The following TSGA10 variants were observed in gnomAD, a reference collection of about 807,000 sequenced individuals.
The protein encoded by TSGA10 is testis specific 10, also known as testis-specific gene 10 protein.
Under a neutral mutation model 96.6 loss-of-function variants are expected in TSGA10, and 43 were observed. The observed-to-expected ratio is 0.44, with a 90% CI of 0.35 to 0.57. The LOEUF (loss-of-function observed/expected upper bound fraction) is 0.57, where lower values mean the gene tolerates loss of function less well. Among genes scored for constraint, TSGA10 ranks in the 20% least tolerant of loss-of-function variants. The pLI, the probability that TSGA10 is intolerant of heterozygous loss-of-function variation, is 0.01. For missense variants in TSGA10, 703 were observed against 834.4 expected (o/e 0.84, Z 1.94); for synonymous variants, 229 against 269.9 (o/e 0.85, Z 1.48).
chr2:99,066,719 T>G (rs1389349405), intron 15 of TSGA10, among the ~76,000 whole-genome samples: 1 of 152,106 alleles, frequency 6.6e-6, no homozygotes, highest in Non-Finnish European at 1.5e-5. Context: ...AGAGCAGTGT[T>G]GAGCATGAGA....
At position 99,044,161 on chromosome 2, in the gene TSGA10, C is replaced by G. The variant is rs992699323; in HGVS notation, c.1405-8722G>C. ...CCAGGTAGCATCATAATGACAGGAT[C>G]GAATTCACACATAACAATATTAACC... is the stretch of plus-strand genomic sequence containing the variant. On this transcript the variant is annotated intron_variant, in intron 16 of 20. Coordinates refer to ENST00000393483, the MANE Select transcript of TSGA10 (RefSeq NM_025244.4). Among the ~76,000 whole-genome samples the G allele has an allele frequency of 4.3e-4, 66 of 152,042 alleles. 1 individual carries two copies. Among genetic ancestry groups the G allele is most frequent in the African/African-American group, 1.6e-3 (65 of 41,390 alleles).
chr2:99,102,236 G>T (rs2090852232), intron 10 of TSGA10: 1 of 1,612,042 alleles, frequency 6.2e-7, no homozygotes, highest in Non-Finnish European at 8.5e-7. Flanking sequence ...TATTCCAGAA[G>T]TTAGTACCTG....
intron 10 of TSGA10, among the ~76,000 whole-genome samples, chr2:99,084,778 T>C (rs967998797): frequency 6.6e-6 from 1 of 151,792 alleles, no homozygotes; most frequent in South Asian, 2.1e-4. Flanking sequence ...CCCCATACCA[T>C]GAACTCAAAG....
In TSGA10 at chr2:99,136,535, C is replaced by T. The variant is rs1188202760; in HGVS notation, c.-620-9359G>A. Among the ~76,000 whole-genome samples the T allele has an allele frequency of 7.3e-5, 2 of 27,222 alleles. 1 individual carries two copies. The highest frequency in any genetic ancestry group is 2.9e-3 in the South Asian group (2 of 682). 17.9% of individuals were successfully genotyped at this position (27,222 alleles called of 152,430 possible). On this transcript the variant is annotated intron_variant, in intron 1 of 20. Transcript: ENST00000393483. ...TATTTCTGCCGGGCGCGGTGGCTCA[C>T]GCCTGTAATCCCAGCACTTTGGGAG...
intron 16 of TSGA10, among the ~76,000 whole-genome samples, chr2:99,046,906 A>T (rs2082835604): frequency 6.6e-6 from 1 of 151,964 alleles, no homozygotes; most frequent in African/African-American, 2.4e-5. Flanking sequence ...CACTGATCCC[A>T]TAGAGATAGA....
intron 16 of TSGA10, among the ~76,000 whole-genome samples, chr2:99,042,799 G>A (rs1302927513): frequency 6.6e-6 from 1 of 151,804 alleles, no homozygotes; most frequent in Non-Finnish European, 1.5e-5. Flanking sequence ...TGCTTCCCAG[G>A]TTCAAGTGAT....
At position 99,018,248 on chromosome 2, in the gene TSGA10, C is replaced by T. The variant is rs772144072; in HGVS notation, c.2024G>A (p.Arg675His). Residue 675 changes from arginine (R) to histidine (H), a missense_variant, in exon 20 of 21, where the codon CGT becomes CAT. Transcript: ENST00000393483. ...TCGGTCAGGAGATCGATGGTGAGCA[C>T]GTTCTGGTGAATGACATTTTGTATT... is the stretch of plus-strand genomic sequence containing the variant. The part of the protein sequence containing the change: ...KPNTKCHSPE[R>H]AHHRSPDRGL... 6.2e-6 allele frequency: 10 copies of T among 1,613,726 alleles called. No homozygotes were observed. The highest frequency in any genetic ancestry group is 4.5e-5 in the East Asian group (2 of 44,880).
chr2:99,044,106 A>C (rs1475384156), intron 16 of TSGA10, among the ~76,000 whole-genome samples: 1 of 152,210 alleles, frequency 6.6e-6, no homozygotes, highest in Non-Finnish European at 1.5e-5. Context: ...AACACTATGA[A>C]GAAACTTCAC....
intron 16 of TSGA10, among the ~76,000 whole-genome samples, chr2:99,045,341 C>T (rs890920855): frequency 4.6e-5 from 7 of 152,112 alleles, no homozygotes; most frequent in Admixed American, 1.3e-4. Flanking sequence ...AAAGAAAGGT[C>T]GGGTTACCCA....
chr2:99,139,599 C>A (rs1228735094), intron 1 of TSGA10, among the ~76,000 whole-genome samples: 3 of 151,896 alleles, frequency 2.0e-5, no homozygotes, highest in Non-Finnish European at 2.9e-5. Context: ...GAAAACCATA[C>A]AAGATTTATG....
chr2:99,081,372 CT>C lies in TSGA10; in HGVS notation c.636del (p.Asp213IlefsTer81). ...SLRLLYENTE[K>X]DLSDTQRHLA... is the part of the protein sequence containing the mutation. ...AGGTGTCGCTGAGTATCAGAAAGATCTTTTTCTGTGTTTTCATACAAAAGTC... is the reference window on the plus strand; with the variant it reads ...AGGTGTCGCTGAGTATCAGAAAGATCTTTTCTGTGTTTTCATACAAAAGTC... On this transcript the variant is annotated frameshift_variant, in exon 11 of 21. Transcript: ENST00000393483. LOFTEE classifies it high-confidence loss of function. 6.3e-7 allele frequency: 1 copy of C among 1,575,604 alleles called. No individual in the cohort carries two copies.
chr2:99,117,747 T>G lies in TSGA10; in HGVS notation c.-343A>C. 1 of 985,626 alleles carries G rather than the reference T, an allele frequency of 1.0e-6. No homozygotes were observed. Among genetic ancestry groups the G allele is most frequent in the Non-Finnish European group, 1.2e-6 (1 of 829,728 alleles). 61.1% of individuals were successfully genotyped at this position (985,626 alleles called of 1,614,324 possible). A position where few individuals can be genotyped will look rare whatever the true frequency, so the allele number is the denominator to read the frequency against. On this transcript the variant is annotated 5_prime_UTR_variant, in exon 4 of 21. Transcript: ENST00000393483. ...TCTTCCAAGCCATGATTTGTCTGTT[T>G]GAGATCTTCAATCTGTTATTATCAG...
At chr2:99,119,625 G>C (rs145277782) in intron 2 of TSGA10, among the ~76,000 whole-genome samples, 31 of 152,180 alleles carry the variant, frequency 2.0e-4, no homozygotes, top group African/African-American at 6.3e-4. Flanking sequence ...AGGAAAATAC[G>C]TGCCTTTTTT....
chr2:99,144,220 A>G (rs1380258672), intron 1 of TSGA10, among the ~76,000 whole-genome samples: 1 of 151,604 alleles, frequency 6.6e-6, no homozygotes, highest in Non-Finnish European at 1.5e-5. Flanking sequence ...ACGGGGTTTC[A>G]CTGTGTTAGC....
chr2:99,025,169 G>A (rs1212474634), intron 17 of TSGA10, among the ~76,000 whole-genome samples: 1 of 152,174 alleles, frequency 6.6e-6, no homozygotes, highest in Non-Finnish European at 1.5e-5. Context: ...AAGAAGTGTT[G>A]TCTTCTACTT....
chr2:99,055,407 G>C (rs2104391367), intron 16 of TSGA10, among the ~76,000 whole-genome samples: 1 of 151,756 alleles, frequency 6.6e-6, no homozygotes, highest in South Asian at 2.1e-4. Context: ...AAGTTTTGGG[G>C]ACAATAGTTA....
chr2:99,007,373 T>A (rs531042914), intron 20 of TSGA10, among the ~76,000 whole-genome samples: 1 of 152,104 alleles, frequency 6.6e-6, no homozygotes, highest in South Asian at 2.1e-4. Context: ...ATACTGTATA[T>A]AAGAGATATA....
intron 16 of TSGA10, among the ~76,000 whole-genome samples, chr2:99,052,808 C>G (rs148708192): frequency 6.6e-6 from 1 of 151,696 alleles, no homozygotes; most frequent in East Asian, 1.9e-4. Flanking sequence ...GTGGCTCATG[C>G]CTATAACCCC....
At position 99,154,898 on chromosome 2, in the gene TSGA10, C is replaced by T. The variant is rs1014920111; in HGVS notation, c.-826G>A. On this transcript the variant is annotated 5_prime_UTR_variant, in exon 1 of 21. Coordinates refer to ENST00000393483, the MANE Select transcript of TSGA10 (RefSeq NM_025244.4). ...CGCAGGCGGAGAGACTAGGCGCGAT[C>T]CCTGCGCGCCCCTCCTTCTCTTGCG... is the stretch of plus-strand genomic sequence containing the variant. The T allele has an allele frequency of 3.1e-5, 13 of 414,070 alleles. No homozygotes were observed. The highest frequency in any genetic ancestry group is 1.4e-4 in the African/African-American group (7 of 49,024). 25.6% of individuals were successfully genotyped at this position (414,070 alleles called of 1,614,324 possible).
Sources: allele counts gnomAD v4.1 joint callset (sites outside exome capture counted in the v4.1 genomes callset), GRCh38; gene constraint gnomAD v4.1.1; transcripts MANE v1.5; gene names NCBI Gene and HGNC (gene_info 2026-07-23, HGNC 2026-07-21).